GPC6: variants seen among roughly 807,000 people sequenced by gnomAD.
GPC6 encodes the protein glypican-6.
Under a neutral mutation model 55.2 loss-of-function variants are expected in GPC6, and 14 were observed. The observed-to-expected ratio is 0.25, with a 90% confidence interval of 0.17 to 0.40. GPC6 has a LOEUF of 0.40. GPC6 is among the 10% of genes least tolerant of loss of function. The probability of loss-of-function intolerance (pLI) is 1.00; values close to 1 mark genes in which losing one functional copy is unlikely to be tolerated. For missense variants in GPC6, 641 were observed against 708.5 expected (o/e 0.90, Z 1.08); for synonymous variants, 278 against 259.6 (o/e 1.07, Z -0.68).
At chr13:93,426,708 G>A (rs893767359) in intron 1 of GPC6, among the ~76,000 whole-genome samples, 2 of 152,110 alleles carry the variant, frequency 1.3e-5, no homozygotes, top group African/African-American at 2.4e-5. Flanking sequence ...ACATGTGCAT[G>A]TGTCTTTATA....
chr13:94,082,533 C>CG (rs1885136728), intron 4 of GPC6, among the ~76,000 whole-genome samples: 1 of 152,150 alleles, frequency 6.6e-6, no homozygotes, highest in South Asian at 2.1e-4. Context: ...ACTTAACCAA[C>CG]GCTTCAGATA....
chr13:94,007,290 C>T (rs1433711600), intron 3 of GPC6, among the ~76,000 whole-genome samples: 4 of 152,136 alleles, frequency 2.6e-5, no homozygotes, highest in African/African-American at 9.7e-5. Context: ...TTTATTTATC[C>T]CTTACTGTGG....
intron 3 of GPC6, among the ~76,000 whole-genome samples, chr13:93,881,447 T>C (rs1035505634): frequency 3.9e-5 from 6 of 152,194 alleles, no homozygotes; most frequent in South Asian, 2.1e-4. Flanking sequence ...ATTTTCCACA[T>C]TTAAATGGCA....
chr13:93,333,531 ATTTT>A (rs35057548), intron 1 of GPC6, among the ~76,000 whole-genome samples: 4 of 130,614 alleles, frequency 3.1e-5, no homozygotes, highest in Admixed American at 7.8e-5. Context: ...ATGCTATTGA[ATTTT>A]TTTTTTTTTT....
intron 2 of GPC6, among the ~76,000 whole-genome samples, chr13:93,683,821 G>C (rs1881943549): frequency 6.6e-6 from 1 of 152,094 alleles, no homozygotes; most frequent in Non-Finnish European, 1.5e-5. Flanking sequence ...AGATTGAATG[G>C]CTTGTAAATG....
chr13:93,976,116 TTTTTCTG>T (rs1484306189), intron 3 of GPC6, among the ~76,000 whole-genome samples: 2 of 152,152 alleles, frequency 1.3e-5, no homozygotes, highest in East Asian at 3.9e-4. Flanking sequence ...TTAGCTGCCT[TTTTTCTG>T]CCCTGACAGT....
Position 93,545,290 on chromosome 13 carries a change from A to G in GPC6, c.188A>G (p.Glu63Gly), listed in dbSNP as rs760312590. 3 of 1,613,538 alleles carry G rather than the reference A, an allele frequency of 1.9e-6. No homozygotes were observed. Among genetic ancestry groups the G allele is most frequent in the Admixed American group, 3.3e-5 (2 of 59,994 alleles). ...GAACACTTAAGAATCTGTCCTCAGG[A>G]ATATACATGCTGCACCACAGAAATG... ...AGEHLRICPQ[E>G]YTCCTTEMED... The change falls in exon 2 of 9, where the codon GAA (glutamate) becomes GGA (glycine). Residue 63 changes from glutamate to glycine, a missense_variant. By Grantham distance (98) the Glu-to-Gly change is moderately conservative. Transcript: ENST00000377047.
intron 8 of GPC6, 150 bp from the exon 9 acceptor site, chr13:94,402,865 A>G (rs956418438): frequency 2.6e-6 from 2 of 755,168 alleles, no homozygotes; most frequent in Non-Finnish European, 4.8e-6. Flanking sequence ...GGATGGGGGA[A>G]ACCACCACCA....
At chr13:93,871,564 A>C (rs1889133671) in intron 3 of GPC6, among the ~76,000 whole-genome samples, 1 of 151,984 alleles carries the variant, frequency 6.6e-6, no homozygotes, top group Non-Finnish European at 1.5e-5. Context: ...TTCACTATAG[A>C]GTAAATTTTG....
At chr13:94,329,033 G>T (rs930368312) in intron 6 of GPC6, among the ~76,000 whole-genome samples, 28 of 152,168 alleles carry the variant, frequency 1.8e-4, no homozygotes, top group Non-Finnish European at 3.5e-4. Flanking sequence ...GAACCCCGGG[G>T]GGGGCTGAAA....
At chr13:94,185,917 G>A (rs368938005) in intron 4 of GPC6, among the ~76,000 whole-genome samples, 65 of 151,782 alleles carry the variant, frequency 4.3e-4, no homozygotes, top group Non-Finnish European at 8.1e-4. Context: ...AAAATTAGCC[G>A]GGCTTGGTGG....
Position 93,227,239 on chromosome 13 carries a change from C to A in GPC6, c.-218C>A, listed in dbSNP as rs1378588534. The A allele has an allele frequency of 2.0e-6, 1 of 498,808 alleles. No individual in the cohort carries two copies. The highest frequency in any genetic ancestry group is 3.5e-5 in the Admixed American group (1 of 28,638). The allele number at this position is 498,808 out of a possible 1,614,324, so 30.9% of individuals were successfully genotyped here. On this transcript the variant is annotated 5_prime_UTR_variant, in exon 1 of 9. Coordinates refer to ENST00000377047, the MANE Select transcript of GPC6 (RefSeq NM_005708.5). This position sits in a 1 kb window ranked among gnomAD's most constrained non-coding sequence, Gnocchi z 4.3. ...AGGAGCAAGGCAGCAGCCTTCCCAG[C>A]CAGCCCTTGTTGGCTTGCCATCGTC...
At chr13:94,046,963 A>G (rs1883756827) in intron 4 of GPC6, among the ~76,000 whole-genome samples, 1 of 152,166 alleles carries the variant, frequency 6.6e-6, no homozygotes, top group South Asian at 2.1e-4. Flanking sequence ...TATACTCCTT[A>G]AAAATAAGTT....
At chr13:94,300,117 C>G (rs1259886533) in intron 5 of GPC6, among the ~76,000 whole-genome samples, 2 of 152,074 alleles carry the variant, frequency 1.3e-5, no homozygotes, top group Non-Finnish European at 2.9e-5. Flanking sequence ...ACCTTTCCCC[C>G]ATTATGGAAA....
At chr13:93,957,911 C>T (rs116829391) in intron 3 of GPC6, among the ~76,000 whole-genome samples, 2,472 of 152,106 alleles carry the variant, frequency 0.016, 81 homozygotes, top group African/African-American at 0.057. Flanking sequence ...CCATTTTGAC[C>T]AGTGTGGGAT....
intron 1 of GPC6, among the ~76,000 whole-genome samples, chr13:93,276,423 C>A (rs576120862): frequency 6.6e-6 from 1 of 151,040 alleles, no homozygotes; most frequent in African/African-American, 2.4e-5. Context: ...GTCAGGAGCA[C>A]ACAACTTAAG....
chr13:93,826,096 GTGATC>G (rs1887235090), intron 2 of GPC6, among the ~76,000 whole-genome samples: 1 of 151,846 alleles, frequency 6.6e-6, no homozygotes, highest in African/African-American at 2.4e-5. Context: ...CTGACCTCAG[GTGATC>G]TGCCCACCTC....
intron 2 of GPC6, among the ~76,000 whole-genome samples, chr13:93,672,945 T>A (rs1881432077): frequency 6.6e-6 from 1 of 152,168 alleles, no homozygotes; most frequent in Admixed American, 6.6e-5. Context: ...TTCCTGGAAA[T>A]AAGTACATAG....
chr13:93,427,462 C>A (rs922567686), intron 1 of GPC6, among the ~76,000 whole-genome samples: 13 of 151,864 alleles, frequency 8.6e-5, no homozygotes, highest in African/African-American at 3.1e-4. Context: ...CTACAACTAT[C>A]TGATCTTTGA....
Sources: allele counts gnomAD v4.1 joint callset (sites outside exome capture counted in the v4.1 genomes callset), GRCh38; gene constraint gnomAD v4.1.1; non-coding constraint Gnocchi (gnomAD v3.1); transcripts MANE v1.5; gene names NCBI Gene and HGNC (gene_info 2026-07-23, HGNC 2026-07-21).